The following CACNA1C variants were observed in gnomAD, a reference collection of about 807,000 sequenced individuals.
CACNA1C encodes the protein calcium voltage-gated channel subunit alpha1 C, also known as voltage-dependent L-type calcium channel subunit alpha-1C.
In CACNA1C, 30 loss-of-function variants were observed where a neutral mutation model predicts 229.0. The observed-to-expected ratio is 0.13, with a 90% confidence interval of 0.10 to 0.18. CACNA1C has a LOEUF of 0.18. Ranked by LOEUF, CACNA1C falls within the 10% of genes least tolerant of loss-of-function variation. The probability of loss-of-function intolerance (pLI) is 1.00; values close to 1 mark genes in which losing one functional copy is unlikely to be tolerated. For synonymous variants in CACNA1C, 1,114 were observed against 1,132.5 expected, an observed-to-expected ratio of 0.98 and a Z score of 0.33; for missense variants, 1,658 against 2,845.0, an observed-to-expected ratio of 0.58 and a Z score of 9.49.
Position 2,630,509 on chromosome 12 carries a change from T to C in CACNA1C, c.3829-3788T>C, listed in dbSNP as rs1266874566. Among the ~76,000 whole-genome samples the C allele has an allele frequency of 6.6e-6, 1 of 151,868 alleles. No homozygotes were observed. Among genetic ancestry groups the C allele is most frequent in the African/African-American group, 2.4e-5 (1 of 41,322 alleles). The stretch of plus-strand genomic sequence containing the variant: ...AAGTGGGAGGAAGGGGCTGTTGAAA[T>C]AGTGGGAGGAGGGGACAAAGGGGCA... On this transcript the variant is annotated intron_variant, in intron 29 of 46. Transcript: ENST00000399655. The surrounding 1 kb of genome is among the most constrained non-coding windows in gnomAD (Gnocchi z 5.4).
intron 11 of CACNA1C, among the ~76,000 whole-genome samples, chr12:2,564,288 T>C (rs2049106715): frequency 6.6e-6 from 1 of 152,146 alleles, no homozygotes; most frequent in Non-Finnish European, 1.5e-5. Flanking sequence ...ACCTACTCAA[T>C]AGATTTCATG....
At chr12:2,246,641 G>A (rs981910539) in intron 3 of CACNA1C, among the ~76,000 whole-genome samples, 3 of 152,240 alleles carry the variant, frequency 2.0e-5, no homozygotes, top group Admixed American at 2.0e-4. Context: ...CCCGTGAGTC[G>A]CGAGTGTGGG....
Position 2,606,786 on chromosome 12 carries a change from G to T in CACNA1C, c.3209+123G>T, listed in dbSNP as rs530454136. 6.0e-5 allele frequency: 58 copies of T among 961,096 alleles called. No individual in the cohort carries two copies. The East Asian group carries it at 1.0e-3, about 16-fold the overall frequency. 59.5% of individuals were successfully genotyped at this position (961,096 alleles called of 1,614,324 possible). ...GCAGTGGCACCTGCGCTCTGCCTGTGTGTCATCTGGCCTCACGGACACAAT... is the reference window on the plus strand; with the variant it reads ...GCAGTGGCACCTGCGCTCTGCCTGTTTGTCATCTGGCCTCACGGACACAAT... On this transcript the variant is annotated intron_variant, in intron 25 of 46. Transcript: ENST00000399655.
intron 3 of CACNA1C, among the ~76,000 whole-genome samples, chr12:2,253,926 A>G (rs946552916): frequency 7.2e-5 from 11 of 152,158 alleles, no homozygotes; most frequent in African/African-American, 2.7e-4. Context: ...TTTGAAACCA[A>G]CAGGGAAGTA....
chr12:2,129,319 C>T (rs1295356493), intron 3 of CACNA1C, among the ~76,000 whole-genome samples: 3 of 152,074 alleles, frequency 2.0e-5, no homozygotes, highest in Non-Finnish European at 2.9e-5. Context: ...GTCATAAACC[C>T]GCAGAGAGCC....
At chr12:2,049,171 G>A (rs748288241), upstream of CACNA1C, 4 of 152,154 alleles carry the variant, frequency 2.6e-5, no homozygotes, top group South Asian at 2.1e-4. Context: ...TCATCTATGC[G>A]GTGGTTAAGA....
intron 3 of CACNA1C, among the ~76,000 whole-genome samples, chr12:2,264,329 T>A (rs1485444144): frequency 2.0e-5 from 3 of 152,244 alleles, no homozygotes; most frequent in Admixed American, 2.0e-4. Context: ...TGTCTTCAGA[T>A]AACCACAGTA....
intron 3 of CACNA1C, among the ~76,000 whole-genome samples, chr12:2,124,440 G>A (rs1353624716): frequency 6.6e-6 from 1 of 152,172 alleles, no homozygotes; most frequent in East Asian, 1.9e-4. Context: ...TTTAGGACCA[G>A]AGGAAGGGGT....
chr12:2,675,339 T>C (rs2096751225), intron 39 of CACNA1C, among the ~76,000 whole-genome samples: 1 of 152,164 alleles, frequency 6.6e-6, no homozygotes, highest in African/African-American at 2.4e-5. Context: ...TGCACCCACT[T>C]ACAACACATA....
chr12:2,456,735 C>A (rs1254284336), intron 4 of CACNA1C, among the ~76,000 whole-genome samples: 3 of 152,206 alleles, frequency 2.0e-5, no homozygotes, highest in Non-Finnish European at 2.9e-5. Flanking sequence ...CTCACCCTGT[C>A]TCTGCAGAGC....
chr12:2,140,585 T>C lies in CACNA1C; in HGVS notation c.477+20155T>C, dbSNP rs1243853647. ...AAATGTCTTTGCTTCTCTTGACCTC[T>C]GTTTGTTCATTTTTCTTAATCTAGG... On this transcript the variant is annotated intron_variant, in intron 3 of 46. Coordinates refer to ENST00000399655, the MANE Select transcript of CACNA1C (RefSeq NM_000719.7). 1.3e-5 allele frequency among the ~76,000 whole-genome samples: 2 copies of C among 151,348 alleles called. 1 individual carries two copies. The highest frequency in any genetic ancestry group is 3.0e-5 in the Non-Finnish European group (2 of 67,626).
chr12:2,438,206 A>ATGG (rs1174096470), intron 3 of CACNA1C, among the ~76,000 whole-genome samples: 11 of 123,752 alleles, frequency 8.9e-5, no homozygotes, highest in Admixed American at 1.6e-4. Context: ...GGCGATGGTG[A>ATGG]TGGTGGTGGT....
chr12:2,234,992 T>C (rs1042038563), intron 3 of CACNA1C, among the ~76,000 whole-genome samples: 1 of 152,176 alleles, frequency 6.6e-6, no homozygotes, highest in African/African-American at 2.4e-5. Context: ...GATATCCGCC[T>C]GCTATGAACA....
intron 4 of CACNA1C, among the ~76,000 whole-genome samples, chr12:2,450,589 G>A (rs2099360465): frequency 7.0e-6 from 1 of 142,656 alleles, no homozygotes; most frequent in Non-Finnish European, 1.5e-5. Flanking sequence ...CGCAGGTGAT[G>A]AAGTTCCATC....
intron 1 of CACNA1C, among the ~76,000 whole-genome samples, chr12:2,019,277 C>T (rs777032213): frequency 1.2e-4 from 19 of 152,018 alleles, no homozygotes; most frequent in Non-Finnish European, 2.6e-4. Context: ...GCCTGGGCAA[C>T]ATAGTGAGAT....
chr12:2,243,899 A>G (rs1407651273), intron 3 of CACNA1C, among the ~76,000 whole-genome samples: 3 of 152,240 alleles, frequency 2.0e-5, no homozygotes, highest in African/African-American at 7.2e-5. Flanking sequence ...GGTTTTATTA[A>G]GATAATAAAG....
At chr12:1,979,033 G>A (rs541278193) in intron 1 of CACNA1C, among the ~76,000 whole-genome samples, 10 of 152,164 alleles carry the variant, frequency 6.6e-5, no homozygotes, top group South Asian at 2.1e-4. Context: ...ATGTGCTTTC[G>A]GAGTCTCACT....
intron 5 of CACNA1C, among the ~76,000 whole-genome samples, chr12:2,462,277 C>T (rs923678832): frequency 0.044 from 3,706 of 83,898 alleles, 50 homozygotes; most frequent in East Asian, 0.11. Flanking sequence ...GGCCTGCACA[C>T]TTCCTCGGCA....
intron 11 of CACNA1C, among the ~76,000 whole-genome samples, chr12:2,559,422 A>C (rs1428944373): frequency 6.6e-6 from 1 of 152,232 alleles, no homozygotes; most frequent in Non-Finnish European, 1.5e-5. Flanking sequence ...TTTCAACAAG[A>C]GGGAAAGAGC....
Sources: gnomAD v4.1 joint callset for allele counts (sites outside exome capture counted in the v4.1 genomes callset) on GRCh38, gnomAD v4.1.1 for gene constraint, Gnocchi (gnomAD v3.1) non-coding constraint, MANE v1.5 for transcripts, NCBI Gene and HGNC (gene_info 2026-07-23, HGNC 2026-07-21) for gene names.